RTTN: variants seen among roughly 807,000 people sequenced by gnomAD.
The protein encoded by RTTN is rotatin.
In RTTN, 182 loss-of-function variants were observed where a neutral mutation model predicts 269.2. That is an observed-to-expected ratio of 0.68 (90% CI 0.60 to 0.76). The LOEUF (loss-of-function observed/expected upper bound fraction) is 0.76, where lower values mean the gene tolerates loss of function less well. Ranked by LOEUF, RTTN falls within the 30% of genes least tolerant of loss-of-function variation. RTTN has a pLI of 0.00. For synonymous variants in RTTN, 1,006 were observed against 963.5 expected, an observed-to-expected ratio of 1.04 and a Z score of -0.82; for missense variants, 2,545 against 2,608.6, an observed-to-expected ratio of 0.98 and a Z score of 0.53.
chr18:70,134,278 G>A (rs567413892), intron 23 of RTTN, among the ~76,000 whole-genome samples, 195 bp downstream of exon 23: 5 of 152,098 alleles, frequency 3.3e-5, no homozygotes, highest in South Asian at 4.1e-4. Context: ...AAATTTGAAC[G>A]GTATCAAAAT....
At chr18:70,004,407 C>T (rs998368778) in intron 48 of RTTN, among the ~76,000 whole-genome samples, 171 bp from the exon 49 acceptor site, 7 of 151,874 alleles carry the variant, frequency 4.6e-5, no homozygotes, top group Admixed American at 4.6e-4. Flanking sequence ...AAAAAATAAA[C>T]AAGTTACAAA....
intron 14 of RTTN, among the ~76,000 whole-genome samples, chr18:70,160,308 C>T (rs973425265): frequency 6.6e-6 from 1 of 151,602 alleles, no homozygotes; most frequent in African/African-American, 2.4e-5. Context: ...TGATTCATCA[C>T]ATAAACAGAA....
chr18:70,103,842 T>C (rs2059247067), intron 28 of RTTN, among the ~76,000 whole-genome samples: 1 of 152,102 alleles, frequency 6.6e-6, no homozygotes, highest in South Asian at 2.1e-4. Context: ...TTATAGAGTT[T>C]CTGCCGAGAG....
intron 3 of RTTN, 103 bp from the exon 4 acceptor site, chr18:70,202,086 T>C: frequency 3.2e-6 from 2 of 619,110 alleles, no homozygotes; most frequent in Admixed American, 7.5e-5. Flanking sequence ...ATTGGAATCA[T>C]TTTAAAAATT....
chr18:70,064,563 T>C (rs778046044), intron 35 of RTTN, among the ~76,000 whole-genome samples: 28 of 151,998 alleles, frequency 1.8e-4, no homozygotes, highest in Non-Finnish European at 3.2e-4. Flanking sequence ...AACAGCACAC[T>C]AAGTGAAAGA....
At chr18:70,049,217 G>A (rs1249954456) in intron 39 of RTTN, among the ~76,000 whole-genome samples, 1 of 152,160 alleles carries the variant, frequency 6.6e-6, no homozygotes, top group African/African-American at 2.4e-5. Context: ...ATGTAAGTGA[G>A]TGTGGCTATG....
In RTTN at chr18:70,134,502, G is replaced by A; in HGVS notation, c.2925C>T (p.Val975=). 1 of 1,610,072 alleles carries A rather than the reference G, an allele frequency of 6.2e-7. No homozygotes were observed. Among genetic ancestry groups the A allele is most frequent in the Non-Finnish European group, 8.5e-7 (1 of 1,178,044 alleles). The part of the protein sequence containing the change: ...NPSNKPSLPS[V]FSLPVSVFRR... ...TAAAAACGGAAACAGGCAAACTGAA[G>A]ACCGATGGCAAAGAAGGTTTATTGG... The change falls in exon 23 of 49, where the codon GTC becomes GTT. Residue 975 remains valine, a synonymous_variant. Coordinates refer to ENST00000640769, the MANE Select transcript of RTTN (RefSeq NM_173630.4).
intron 36 of RTTN, 27 bp from the exon 37 acceptor site, chr18:70,057,859 T>G: frequency 6.7e-7 from 1 of 1,499,776 alleles, no homozygotes. Context: ...AAGAAAATCC[T>G]TCAGAAGATT....
chr18:70,030,775 C>T lies in RTTN; in HGVS notation c.5647+101G>A, dbSNP rs1032905947. ...TTAGTGACACTGAGATTATACTATA[C>T]GTTTTTTACATTTTGAGTCCAAAGA... On this transcript the variant is annotated intron_variant, in intron 41 of 48. Coordinates refer to ENST00000640769, the MANE Select transcript of RTTN (RefSeq NM_173630.4). 17 of 834,654 alleles carry T rather than the reference C, an allele frequency of 2.0e-5. No individual in the cohort carries two copies. In the East Asian group the frequency reaches 2.3e-4, roughly 11 times the overall value. The allele number at this position is 834,654 out of a possible 1,614,324, so 51.7% of individuals were successfully genotyped here.
intron 28 of RTTN, among the ~76,000 whole-genome samples, chr18:70,098,421 G>A (rs1184933952): frequency 4.6e-5 from 7 of 152,046 alleles, no homozygotes; most frequent in Admixed American, 4.6e-4. Flanking sequence ...TCCAGGAGTT[G>A]TTTTTTTGAA....
intron 14 of RTTN, among the ~76,000 whole-genome samples, chr18:70,160,224 G>T (rs1010139375): frequency 6.6e-6 from 1 of 151,546 alleles, no homozygotes; most frequent in East Asian, 1.9e-4. Flanking sequence ...ACAGCAAAAA[G>T]CTAATCCACC....
intron 28 of RTTN, 149 bp from the exon 29 acceptor site, chr18:70,092,953 G>A (rs1287642180): frequency 1.6e-6 from 1 of 643,234 alleles, no homozygotes; most frequent in African/African-American, 1.9e-5. Context: ...AAATGAATAA[G>A]ATGGTAAATT....
chr18:70,174,344 T>G (rs2061231278), intron 11 of RTTN, among the ~76,000 whole-genome samples: 1 of 152,162 alleles, frequency 6.6e-6, no homozygotes. Flanking sequence ...CGGCCATATA[T>G]TCTCACAATT....
At chr18:70,141,704 G>T (rs960028635) in intron 19 of RTTN, among the ~76,000 whole-genome samples, 1 of 152,036 alleles carries the variant, frequency 6.6e-6, no homozygotes, top group Non-Finnish European at 1.5e-5. Flanking sequence ...AACCAACATG[G>T]CACATGTATA....
At chr18:70,039,468 ATCCT>A (rs1442290392) in intron 40 of RTTN, among the ~76,000 whole-genome samples, 1 of 152,172 alleles carries the variant, frequency 6.6e-6, no homozygotes, top group African/African-American at 2.4e-5. Context: ...CGATGAAACT[ATCCT>A]TCAAGTATGA....
chr18:70,031,076 C>T (rs1432685414), intron 40 of RTTN, 95 bp from the exon 41 acceptor site: 8 of 757,068 alleles, frequency 1.1e-5, no homozygotes, highest in Non-Finnish European at 1.7e-5. Context: ...AAAGATATTG[C>T]TAGGTTTCAA....
Position 70,051,470 on chromosome 18 carries a change from C to G in RTTN, c.5264G>C (p.Gly1755Ala), listed in dbSNP as rs569445270. 2.5e-5 allele frequency: 40 copies of G among 1,613,932 alleles called. 1 individual carries two copies. The South Asian group carries it at 4.2e-4, about 17-fold the overall frequency. ...GGTAACAAACGGGAGTGTGATGGCACCAGCTTTCCTCAGGAGCATGGCCAG... is the reference window on the plus strand; with the variant it reads ...GGTAACAAACGGGAGTGTGATGGCAGCAGCTTTCCTCAGGAGCATGGCCAG... ...NLLAMLLRKA[G>A]AITLPFVTVA... The change falls in exon 39 of 49, where the codon GGT (glycine) becomes GCT (alanine). Residue 1755 changes from glycine (G) to alanine (A), a missense_variant. Transcript: ENST00000640769.
chr18:70,077,198 G>A (rs1315369642), intron 32 of RTTN, among the ~76,000 whole-genome samples: 8 of 151,748 alleles, frequency 5.3e-5, no homozygotes, highest in Non-Finnish European at 1.0e-4. Flanking sequence ...ATGATACAAA[G>A]AACCACTTAA....
intron 40 of RTTN, among the ~76,000 whole-genome samples, chr18:70,042,598 G>A (rs981018525): frequency 6.6e-6 from 1 of 151,838 alleles, no homozygotes; most frequent in Non-Finnish European, 1.5e-5. Flanking sequence ...GGATGGTGTC[G>A]ATCTCCTGAC....
Sources: allele counts gnomAD v4.1 joint callset (sites outside exome capture counted in the v4.1 genomes callset), GRCh38; gene constraint gnomAD v4.1.1; transcripts MANE v1.5; gene names NCBI Gene and HGNC (gene_info 2026-07-23, HGNC 2026-07-21).